The following NPR3 variants were observed in gnomAD, a reference collection of about 807,000 sequenced individuals.
The protein encoded by NPR3 is atrial natriuretic peptide receptor 3.
Under a neutral mutation model 54.5 loss-of-function variants are expected in NPR3, and 34 were observed. The ratio of observed to expected loss-of-function variants is 0.62; its 90% CI spans 0.47 to 0.83. The LOEUF is 0.83. Among genes scored for constraint, NPR3 ranks in the 40% least tolerant of loss-of-function variants. NPR3 has a pLI of 0.00. For missense variants in NPR3, 674 were observed against 720.8 expected, an observed-to-expected ratio of 0.94 and a Z score of 0.74; for synonymous variants, 289 against 297.1, an observed-to-expected ratio of 0.97 and a Z score of 0.28.
At chr5:32,709,267 G>A (rs1196843036), upstream of NPR3, 1 of 152,106 alleles carries the variant, frequency 6.6e-6, no homozygotes, top group Non-Finnish European at 1.5e-5. Context: ...CTACCACTGT[G>A]GCCAGTGGTA....
At chr5:32,706,231 C>T (rs1029530301), upstream of NPR3, among the ~76,000 whole-genome samples, 5 of 152,190 alleles carry the variant, frequency 3.3e-5, no homozygotes, top group Middle Eastern at 3.2e-3. Context: ...CTGAGGCCCT[C>T]GTCGGAAGCC....
Position 32,703,923 on chromosome 5 carries a change from G to A in NPR3, c.100+14737G>A, listed in dbSNP as rs568451549. Reference sequence around the variant, plus strand: ...GGCTCCACGCCTAGCACAGCACCAGGACTTGCCCACAAATTGCAGTCCCTG... The same window carrying A: ...GGCTCCACGCCTAGCACAGCACCAGAACTTGCCCACAAATTGCAGTCCCTG... On this transcript the variant is annotated intron_variant, in intron 1 of 5. Coordinates refer to the NPR3 transcript ENST00000509104. Among the ~76,000 whole-genome samples the A allele has an allele frequency of 3.3e-5, 5 of 152,314 alleles. No homozygotes were observed. In the South Asian group the frequency reaches 1.0e-3, roughly 32 times the overall value.
intron 6 of NPR3, chr5:32,783,278 A>C: frequency 2.7e-6 from 1 of 364,376 alleles, no homozygotes. Context: ...TCTCTTGGCT[A>C]GGTCATGTTT....
intron 7 of NPR3, among the ~76,000 whole-genome samples, chr5:32,785,507 G>A (rs1238542098): frequency 6.6e-6 from 1 of 152,104 alleles, no homozygotes; most frequent in Non-Finnish European, 1.5e-5. Context: ...GAAGCAGTGG[G>A]GAGGGAATCT....
At chr5:32,750,323 A>T (rs1740512711) in intron 3 of NPR3, among the ~76,000 whole-genome samples, 1 of 152,042 alleles carries the variant, frequency 6.6e-6, no homozygotes. Flanking sequence ...TTTAGTAGAG[A>T]CAGGGTTTCA....
intron 3 of NPR3, among the ~76,000 whole-genome samples, chr5:32,765,221 A>G (rs1741388904): frequency 6.6e-6 from 1 of 152,180 alleles, no homozygotes; most frequent in African/African-American, 2.4e-5. Flanking sequence ...AGCCAGTTTT[A>G]TGGTAATCTC....
intron 3 of NPR3, among the ~76,000 whole-genome samples, chr5:32,769,316 G>C (rs1476216366): frequency 6.6e-6 from 1 of 152,204 alleles, no homozygotes; most frequent in East Asian, 1.9e-4. Context: ...TAACCCTCGT[G>C]CTATGCACAC....
chr5:32,773,788 A>G (rs1165260083), intron 3 of NPR3, among the ~76,000 whole-genome samples: 1 of 152,202 alleles, frequency 6.6e-6, no homozygotes, highest in Non-Finnish European at 1.5e-5. Context: ...ATTGGCTTCT[A>G]TTTGTTGAGA....
intron 2 of NPR3, among the ~76,000 whole-genome samples, chr5:32,737,750 G>T (rs1332856590): frequency 2.0e-5 from 3 of 152,116 alleles, no homozygotes; most frequent in African/African-American, 4.8e-5. Context: ...TCTTATTCAT[G>T]TAATTTTTTG....
At chr5:32,695,872 T>G (rs956161901) in intron 1 of NPR3, among the ~76,000 whole-genome samples, 2 of 152,198 alleles carry the variant, frequency 1.3e-5, no homozygotes, top group Non-Finnish European at 2.9e-5. Flanking sequence ...ATCACATAAT[T>G]AGATATTTTC....
chr5:32,711,072 T>C (rs796333926), upstream of NPR3, among the ~76,000 whole-genome samples: 10 of 152,130 alleles, frequency 6.6e-5, no homozygotes, highest in African/African-American at 2.4e-4. Context: ...ATTTCAGCTT[T>C]AAGGAAAAGG....
At chr5:32,785,138 ATTTTTTTTTTTT>A (rs11427729) in intron 7 of NPR3, among the ~76,000 whole-genome samples, 42 of 90,902 alleles carry the variant, frequency 4.6e-4, no homozygotes, top group South Asian at 2.4e-3. Context: ...TTGATCACAG[ATTTTTTTTTTTT>A]TTTTTTTTTT....
chr5:32,704,790 T>C (rs1205943846), upstream of NPR3, among the ~76,000 whole-genome samples: 6 of 152,246 alleles, frequency 3.9e-5, no homozygotes, highest in Non-Finnish European at 5.9e-5. Flanking sequence ...CCAGTGCCCA[T>C]TTCCTGCACT....
At chr5:32,693,188 G>A (rs562075762) in intron 1 of NPR3, among the ~76,000 whole-genome samples, 119 of 151,968 alleles carry the variant, frequency 7.8e-4, no homozygotes, top group South Asian at 7.7e-3. Context: ...TGACTGTATC[G>A]GAATGTTCTG....
At chr5:32,736,069 A>G (rs1316916033) in intron 2 of NPR3, among the ~76,000 whole-genome samples, 3 of 151,918 alleles carry the variant, frequency 2.0e-5, no homozygotes, top group East Asian at 1.9e-4. Context: ...TGTCCCTACT[A>G]AAAATACAAA....
At chr5:32,732,113 C>T (rs1052042868) in intron 2 of NPR3, among the ~76,000 whole-genome samples, 23 of 151,686 alleles carry the variant, frequency 1.5e-4, no homozygotes, top group South Asian at 4.2e-4. Context: ...CGGTGGCGGG[C>T]GCCTGTAGTC....
At chr5:32,710,859 G>GTTTTTTTTTTTTTTTTTTT (rs56022335), upstream of NPR3, 1,002 of 978,950 alleles carry the variant, frequency 1.0e-3, 17 homozygotes, top group African/African-American at 2.7e-3. Flanking sequence ...CCCAGTCCTG[G>GTTTTTTTTTTTTTTTTTTT]TTTTTTTTTT....
At chr5:32,736,756 A>T (rs538810146) in intron 2 of NPR3, among the ~76,000 whole-genome samples, 19 of 152,132 alleles carry the variant, frequency 1.2e-4, no homozygotes, top group Middle Eastern at 3.4e-3. Context: ...CTCTGCTCAC[A>T]CTGTGGCCTC....
intron 3 of NPR3, among the ~76,000 whole-genome samples, chr5:32,757,227 T>C (rs1740895294): frequency 6.6e-6 from 1 of 152,242 alleles, no homozygotes; most frequent in Admixed American, 6.5e-5. Flanking sequence ...TGATTCTTCC[T>C]ATCCATGAGC....
Sources: allele counts gnomAD v4.1 joint callset (sites outside exome capture counted in the v4.1 genomes callset), GRCh38; gene constraint gnomAD v4.1.1; transcripts MANE v1.5; gene names NCBI Gene and HGNC (gene_info 2026-07-23, HGNC 2026-07-21).